The following RELN variants were observed in gnomAD, a reference collection of about 807,000 sequenced individuals.
RELN encodes the protein reelin.
A neutral mutation model predicts 427.6 loss-of-function variants in RELN; 108 were observed. The ratio of observed to expected loss-of-function variants is 0.25; its 90% CI spans 0.22 to 0.30. The LOEUF (loss-of-function observed/expected upper bound fraction) is 0.30. Among genes scored for constraint, RELN ranks in the 10% least tolerant of loss-of-function variants. RELN has a pLI of 1.00. For synonymous variants in RELN, 1,524 were observed against 1,513.4 expected, an observed-to-expected ratio of 1.01 and a Z score of -0.16; for missense variants, 3,715 against 4,302.8, an observed-to-expected ratio of 0.86 and a Z score of 3.82.
At chr7:103,565,677 G>T in intron 33 of RELN, 126 bp from the exon 34 acceptor site, 1 of 839,716 alleles carries the variant, frequency 1.2e-6, no homozygotes, top group Non-Finnish European at 1.9e-6. Context: ...CCCCCTATGT[G>T]CTTTGACTTT....
At chr7:103,753,033 T>C (rs993109575) in intron 5 of RELN, 149 bp downstream of exon 5, 5 of 786,136 alleles carry the variant, frequency 6.4e-6, no homozygotes, top group South Asian at 1.5e-5. Flanking sequence ...TGTTCAAGTA[T>C]AATCCGTACC....
intron 46 of RELN, among the ~76,000 whole-genome samples, chr7:103,530,466 T>C (rs577778117): frequency 5.0e-4 from 76 of 152,348 alleles, no homozygotes; most frequent in African/African-American, 1.7e-3. Context: ...CCTCCTCTTA[T>C]GTGAATCTGT....
chr7:103,507,197 A>AG (rs1412896846), intron 51 of RELN, among the ~76,000 whole-genome samples: 2 of 152,232 alleles, frequency 1.3e-5, no homozygotes, highest in East Asian at 3.8e-4. Context: ...AGACATCTAC[A>AG]GAACTCTCCA....
intron 1 of RELN, among the ~76,000 whole-genome samples, chr7:103,941,230 T>C (rs138065522): frequency 6.6e-6 from 1 of 152,348 alleles, no homozygotes; most frequent in Non-Finnish European, 1.5e-5. Context: ...GAGAAAGATG[T>C]ATTCAAGTTT....
chr7:103,568,813 A>G (rs1488748106), intron 31 of RELN, among the ~76,000 whole-genome samples: 2 of 152,242 alleles, frequency 1.3e-5, no homozygotes, highest in Non-Finnish European at 2.9e-5. Flanking sequence ...TGACCTAATC[A>G]GAAGGTAGAT....
intron 2 of RELN, among the ~76,000 whole-genome samples, chr7:103,896,932 A>G (rs549026971): frequency 2.6e-5 from 4 of 152,214 alleles, no homozygotes; most frequent in African/African-American, 7.2e-5. Context: ...AAGAGGTTTA[A>G]TGGACTTGCA....
rs1271499196 is a variant in RELN, at chr7:103,761,107, CCTCT to C, written c.545-7897_545-7894del. On this transcript the variant is annotated intron_variant, in intron 4 of 64. Coordinates refer to ENST00000428762, the MANE Select transcript of RELN (RefSeq NM_005045.4). ...AATATTAGGAATTATTTTTCTCTTC[CCTCT>C]CTGATTTTCCACCTCAACTTGATTT... 3.9e-5 allele frequency among the ~76,000 whole-genome samples: 6 copies of C among 152,218 alleles called. 1 individual carries two copies. Among genetic ancestry groups the C allele is most frequent in the African/African-American group, 1.4e-4 (6 of 41,560 alleles).
chr7:103,787,233 A>G (rs1347690490), intron 3 of RELN, among the ~76,000 whole-genome samples: 1 of 152,350 alleles, frequency 6.6e-6, no homozygotes, highest in East Asian at 1.9e-4. Flanking sequence ...TCAAATGCCC[A>G]CAGGAGAAAG....
At position 103,557,978 on chromosome 7, in the gene RELN, T is replaced by G. The variant is rs1468520431; in HGVS notation, c.5601A>C (p.Arg1867Ser). The G allele has an allele frequency of 1.5e-6, 2 of 1,368,342 alleles. No homozygotes were observed. Among genetic ancestry groups the G allele is most frequent in the Non-Finnish European group, 2.1e-6 (2 of 956,112 alleles). 84.8% of individuals were successfully genotyped at this position (1,368,342 alleles called of 1,614,324 possible). The change falls in exon 37 of 65, where the codon AGA becomes AGC. Residue 1867 changes from arginine to serine, a missense_variant. Physicochemically the swap from Arg to Ser is moderately radical, Grantham distance 110 (BLOSUM62 -1). Around this residue, in one of 4 missense-constraint regions of RELN, gnomAD observed 2,208 missense variants for 2,361.7 expected, o/e 0.93. Transcript: ENST00000428762. The stretch of plus-strand genomic sequence containing the variant: ...ATTCATACTTACTTTTTGCTATAAA[T>G]CTAAGTGAAAACTGGACATACATTG... ...TNTMYVQFSL[R>S]FIAKSTPERS...
intron 3 of RELN, among the ~76,000 whole-genome samples, chr7:103,819,339 A>G (rs903548840): frequency 6.6e-6 from 1 of 152,162 alleles, no homozygotes; most frequent in African/African-American, 2.4e-5. Context: ...AAGCCAAAAA[A>G]AAATTAACTC....
intron 3 of RELN, among the ~76,000 whole-genome samples, chr7:103,797,192 C>G (rs1373927020): frequency 6.6e-6 from 1 of 152,034 alleles, no homozygotes; most frequent in Admixed American, 6.6e-5. Flanking sequence ...CGACCTGCCT[C>G]TGCAGGTTCA....
At chr7:103,478,358 C>G in intron 64 of RELN, 31 bp downstream of exon 64, 1 of 754,154 alleles carries the variant, frequency 1.3e-6, no homozygotes. Context: ...TATTAGTAAA[C>G]AGTTCCCCAG....
intron 52 of RELN, among the ~76,000 whole-genome samples, chr7:103,502,736 G>A (rs1829076315): frequency 6.6e-6 from 1 of 152,134 alleles, no homozygotes; most frequent in Non-Finnish European, 1.5e-5. Context: ...TGGCTCCAAG[G>A]CCATCACTAT....
chr7:103,489,203 G>GGTGTGTGTGTGTGTGTGTGTGTGTGT (rs3051647), intron 60 of RELN, among the ~76,000 whole-genome samples: 1 of 147,768 alleles, frequency 6.8e-6, no homozygotes. Flanking sequence ...GTCATAAAGG[G>GGTGTGTGTGTGTGTGTGTGTGTGTGT]GTGTGTGTGT....
At chr7:103,617,011 T>G (rs1832095461) in intron 20 of RELN, among the ~76,000 whole-genome samples, 1 of 152,178 alleles carries the variant, frequency 6.6e-6, no homozygotes, top group Non-Finnish European at 1.5e-5. Flanking sequence ...AAGTTACATT[T>G]ACCAAGAACA....
chr7:103,841,896 G>A (rs1259369105), intron 2 of RELN, among the ~76,000 whole-genome samples: 1 of 152,098 alleles, frequency 6.6e-6, no homozygotes, highest in Non-Finnish European at 1.5e-5. Flanking sequence ...GCCATGGTTA[G>A]TGTTAAAGTG....
intron 60 of RELN, among the ~76,000 whole-genome samples, chr7:103,489,472 T>C (rs765648445): frequency 5.3e-5 from 8 of 152,228 alleles, no homozygotes; most frequent in Non-Finnish European, 1.0e-4. Flanking sequence ...TATCCTGATT[T>C]AGCATATCTG....
At chr7:103,779,543 C>G (rs1344216666) in intron 3 of RELN, among the ~76,000 whole-genome samples, 4 of 152,144 alleles carry the variant, frequency 2.6e-5, no homozygotes, top group Non-Finnish European at 1.5e-5. Flanking sequence ...CACAGAGCTA[C>G]TGCATGATTT....
chr7:103,554,676 T>C (rs1830487147), intron 38 of RELN, among the ~76,000 whole-genome samples: 2 of 152,064 alleles, frequency 1.3e-5, no homozygotes, highest in South Asian at 2.1e-4. Flanking sequence ...ATGCTGTGTA[T>C]ATAATGTATG....
Sources: gnomAD v4.1 joint callset for allele counts (sites outside exome capture counted in the v4.1 genomes callset) on GRCh38, gnomAD v4.1.1 for gene constraint, gnomAD v4.1.1 regional missense constraint, MANE v1.5 for transcripts, NCBI Gene and HGNC (gene_info 2026-07-23, HGNC 2026-07-21) for gene names.